LNX1: variants seen among roughly 807,000 people sequenced by gnomAD.
The protein encoded by LNX1 is E3 ubiquitin-protein ligase LNX.
LNX1 carries 54 observed loss-of-function variants against 68.4 expected under a neutral mutation model. The observed-to-expected ratio is 0.79, with a 90% CI of 0.63 to 0.99. LNX1 has a LOEUF of 0.99. Ranked by LOEUF, LNX1 falls within the 50% of genes least tolerant of loss-of-function variation. The probability of loss-of-function intolerance (pLI) is 0.00; values close to 1 mark genes in which losing one functional copy is unlikely to be tolerated. For synonymous variants in LNX1, 336 were observed against 350.0 expected, an observed-to-expected ratio of 0.96 and a Z score of 0.45; for missense variants, 906 against 926.4, an observed-to-expected ratio of 0.98 and a Z score of 0.29.
intron 1 of LNX1, among the ~76,000 whole-genome samples, chr4:53,651,869 A>G (rs1284174751): frequency 6.6e-6 from 1 of 152,234 alleles, no homozygotes; most frequent in Non-Finnish European, 1.5e-5. Context: ...AGTCATTTTC[A>G]TTTGTGAAAG....
At chr4:53,461,120 G>T in intron 10 of LNX1, 78 bp from the exon 11 acceptor site, 2 of 1,211,496 alleles carry the variant, frequency 1.7e-6, no homozygotes, top group African/African-American at 1.6e-5. Context: ...TCTTAGTGGT[G>T]CTAGATTTTG....
In LNX1 at chr4:53,647,258, A is replaced by G. The variant is rs1048176872; in HGVS notation, c.-215+4910T>C. ...CCACCTGTCAAGAACTGCAGTCCTA[A>G]ATGTTTTAGTAATGTGCATACACAA... is the stretch of plus-strand genomic sequence containing the variant. On this transcript the variant is annotated intron_variant, in intron 1 of 2. Coordinates refer to the LNX1 transcript ENST00000507168. Among the ~76,000 whole-genome samples the G allele has an allele frequency of 3.9e-4, 59 of 152,342 alleles. 1 individual carries two copies. The highest frequency in any genetic ancestry group is 1.3e-4 in the Admixed American group (2 of 15,304).
intron 2 of LNX1, among the ~76,000 whole-genome samples, chr4:53,513,271 G>A (rs1445829858): frequency 2.0e-5 from 3 of 152,064 alleles, no homozygotes; most frequent in Non-Finnish European, 4.4e-5. Context: ...AATGTATTAT[G>A]CTTTATGGAT....
At chr4:53,544,599 G>A (rs1728975651) in intron 2 of LNX1, among the ~76,000 whole-genome samples, 1 of 152,186 alleles carries the variant, frequency 6.6e-6, no homozygotes, top group Non-Finnish European at 1.5e-5. Context: ...GGTACTTCAG[G>A]GAAGACCCTG....
intron 1 of LNX1, among the ~76,000 whole-genome samples, chr4:53,636,246 GCATGCTTGCCTCGGTCGAGCAAAAA>G (rs1464132132): frequency 7.7e-6 from 1 of 129,444 alleles, no homozygotes; most frequent in East Asian, 2.5e-4. Context: ...AGGGATGGAT[GCATGCTTGCCTCGGTCGAGCAAAAA>G]CAAAACTTCA....
At chr4:53,519,765 C>T (rs1727074850) in intron 2 of LNX1, among the ~76,000 whole-genome samples, 1 of 152,154 alleles carries the variant, frequency 6.6e-6, no homozygotes, top group Non-Finnish European at 1.5e-5. Flanking sequence ...ACAACAACCT[C>T]ATGAGATGGG....
rs142709000 is a variant in LNX1 at position 53,559,612 on chromosome 4, A to C, written c.380+14011T>G. Among the ~76,000 whole-genome samples, 1,493 of 152,330 alleles carry C rather than the reference A, an allele frequency of 9.8e-3. 19 individuals are homozygous for C. Among genetic ancestry groups the C allele is most frequent in the Non-Finnish European group, 0.014 (951 of 68,028 alleles). ...GTGAAATGAGGCAATGCCCATAAACAACAAAGGGCTTAACGAGTATTAGCT... is the reference window on the plus strand; with the variant it reads ...GTGAAATGAGGCAATGCCCATAAACCACAAAGGGCTTAACGAGTATTAGCT... On this transcript the variant is annotated intron_variant, in intron 2 of 10. Coordinates refer to ENST00000263925, the MANE Select transcript of LNX1 (RefSeq NM_001126328.3).
At chr4:53,558,548 G>A (rs2109730697) in intron 2 of LNX1, among the ~76,000 whole-genome samples, 1 of 152,310 alleles carries the variant, frequency 6.6e-6, no homozygotes, top group South Asian at 2.1e-4. Flanking sequence ...ACCCATCACT[G>A]TCTTGACTGC....
At chr4:53,584,895 T>G (rs1732068592) in intron 1 of LNX1, among the ~76,000 whole-genome samples, 1 of 152,224 alleles carries the variant, frequency 6.6e-6, no homozygotes, top group South Asian at 2.1e-4. Context: ...CAGTGTAACG[T>G]ATATCACATT....
chr4:53,591,302 A>AT (rs1732491626), intron 1 of LNX1, 86 bp downstream of exon 1: 2 of 833,806 alleles, frequency 2.4e-6, no homozygotes, highest in South Asian at 1.1e-4. Flanking sequence ...TTCAGCTTGT[A>AT]TTTTTTCATT....
At chr4:53,589,105 G>A (rs150490058) in intron 1 of LNX1, among the ~76,000 whole-genome samples, 13 of 152,238 alleles carry the variant, frequency 8.5e-5, no homozygotes, top group South Asian at 4.2e-4. Context: ...GAGATAGCAC[G>A]ACTGACAGCA....
chr4:53,537,786 A>G (rs1728476727), intron 2 of LNX1, among the ~76,000 whole-genome samples: 1 of 152,212 alleles, frequency 6.6e-6, no homozygotes, highest in Admixed American at 6.5e-5. Context: ...AAGGAAGAGA[A>G]TGTCTTTGTC....
intron 2 of LNX1, among the ~76,000 whole-genome samples, chr4:53,531,223 C>G (rs554564915): frequency 9.4e-4 from 143 of 152,294 alleles, no homozygotes; most frequent in African/African-American, 3.1e-3. Context: ...GCAGGAAGTG[C>G]TGTGGACATG....
At chr4:53,590,502 T>C (rs1156961578) in intron 1 of LNX1, among the ~76,000 whole-genome samples, 1 of 57,690 alleles carries the variant, frequency 1.7e-5, no homozygotes, top group Non-Finnish European at 3.7e-5. Context: ...AGTTTGACTA[T>C]TGGGCTGTCA....
At chr4:53,544,158 G>A (rs1728941336) in intron 2 of LNX1, among the ~76,000 whole-genome samples, 1 of 152,102 alleles carries the variant, frequency 6.6e-6, no homozygotes, top group South Asian at 2.1e-4. Context: ...GCAGTACATA[G>A]AAATTAGTAA....
chr4:53,549,557 A>G (rs752899602), intron 2 of LNX1: 3 of 151,796 alleles, frequency 2.0e-5, no homozygotes. Flanking sequence ...TTATTAAAGA[A>G]TTATGGTTGT....
chr4:53,556,588 T>C (rs1448115816), intron 2 of LNX1, among the ~76,000 whole-genome samples: 2 of 152,220 alleles, frequency 1.3e-5, no homozygotes, highest in African/African-American at 4.8e-5. Context: ...TGCCATTGTC[T>C]GTTTGTCTAG....
In LNX1 at chr4:53,568,340, A is replaced by T. The variant is rs1434827600; in HGVS notation, c.380+5283T>A. Among the ~76,000 whole-genome samples the T allele has an allele frequency of 1.8e-3, 275 of 151,852 alleles. 1 individual carries two copies. Among genetic ancestry groups the T allele is most frequent in the African/African-American group, 6.4e-3 (265 of 41,284 alleles). ...ATCCCTGGGATGCAAGGCTGGTTCA[A>T]TATACGCAAATCAATAAATGTAATC... is the stretch of plus-strand genomic sequence containing the variant. On this transcript the variant is annotated intron_variant, in intron 2 of 10. Transcript: ENST00000263925.
intron 1 of LNX1, among the ~76,000 whole-genome samples, chr4:53,627,080 T>G (rs1392050489): frequency 6.6e-6 from 1 of 152,200 alleles, no homozygotes; most frequent in Non-Finnish European, 1.5e-5. Context: ...CCTCTGCAGC[T>G]TCCTTTGCCC....
Sources: allele counts gnomAD v4.1 joint callset (sites outside exome capture counted in the v4.1 genomes callset), GRCh38; gene constraint gnomAD v4.1.1; transcripts MANE v1.5; gene names NCBI Gene and HGNC (gene_info 2026-07-23, HGNC 2026-07-21).